The following EYA2 variants were observed in gnomAD, a reference collection of about 807,000 sequenced individuals.
The protein encoded by EYA2 is EYA transcriptional coactivator and phosphatase 2, also known as protein phosphatase EYA2.
EYA2 carries 31 observed loss-of-function variants against 69.2 expected under a neutral mutation model. That is an observed-to-expected ratio of 0.45 (90% CI 0.34 to 0.60). The LOEUF is 0.60. EYA2 is among the 20% of genes least tolerant of loss of function. The pLI, the probability that EYA2 is intolerant of heterozygous loss-of-function variation, is 0.02. For synonymous variants in EYA2, 257 were observed against 279.4 expected (o/e 0.92, Z 0.80); for missense variants, 622 against 701.2 (o/e 0.89, Z 1.28).
intron 1 of EYA2, among the ~76,000 whole-genome samples, chr20:46,910,856 C>T (rs752245867): frequency 8.5e-5 from 13 of 152,208 alleles, no homozygotes; most frequent in Non-Finnish European, 1.6e-4. Flanking sequence ...ATTGCTGGCT[C>T]CCATCAAAAC....
chr20:47,020,437 T>C (rs1377155752), intron 5 of EYA2, among the ~76,000 whole-genome samples: 2 of 152,254 alleles, frequency 1.3e-5, no homozygotes, highest in African/African-American at 4.8e-5. Flanking sequence ...TCACAGCTCT[T>C]GTTCAGCCTT....
chr20:47,183,951 T>C (rs1191157072), intron 15 of EYA2, among the ~76,000 whole-genome samples: 1 of 152,156 alleles, frequency 6.6e-6, no homozygotes, highest in African/African-American at 2.4e-5. Flanking sequence ...GGATTGTTAA[T>C]GTCACAGACC....
At chr20:47,186,540 G>C (rs2034646767) in intron 15 of EYA2, among the ~76,000 whole-genome samples, 1 of 151,666 alleles carries the variant, frequency 6.6e-6, no homozygotes, top group South Asian at 2.1e-4. Flanking sequence ...TTGTATTTTA[G>C]TAGAGATGGG....
chr20:46,973,540 A>G (rs182271668), intron 1 of EYA2, among the ~76,000 whole-genome samples: 37 of 152,342 alleles, frequency 2.4e-4, no homozygotes, highest in African/African-American at 8.4e-4. Context: ...GAAAATCTCC[A>G]TAGTTTTAAA....
At position 46,965,700 on chromosome 20, in the gene EYA2, T is replaced by G. The variant is rs560149673; in HGVS notation, c.-10-24301T>G. On this transcript the variant is annotated intron_variant, in intron 1 of 15. Transcript: ENST00000327619. ...TTCAGCCTCCTAGACGCTCTGAGTCTTGGCCTCCTGACTCCTCTGGGGTTG... is the reference window on the plus strand; with the variant it reads ...TTCAGCCTCCTAGACGCTCTGAGTCGTGGCCTCCTGACTCCTCTGGGGTTG... Among the ~76,000 whole-genome samples, 5 of 152,390 alleles carry G rather than the reference T, an allele frequency of 3.3e-5. No individual in the cohort carries two copies. The South Asian group carries it at 1.0e-3, about 32-fold the overall frequency.
chr20:47,151,293 A>C (rs534186326), intron 10 of EYA2, among the ~76,000 whole-genome samples: 2 of 151,312 alleles, frequency 1.3e-5, no homozygotes, highest in African/African-American at 4.8e-5. Flanking sequence ...ATCGCTTGAA[A>C]CCAGGAGGCA....
intron 9 of EYA2, among the ~76,000 whole-genome samples, chr20:47,122,925 G>T (rs2033090031): frequency 6.6e-6 from 1 of 152,068 alleles, no homozygotes. Context: ...ACCACCCCTG[G>T]TCTCAAGAGC....
At chr20:47,099,023 A>G (rs1384099941) in intron 9 of EYA2, among the ~76,000 whole-genome samples, 1 of 152,204 alleles carries the variant, frequency 6.6e-6, no homozygotes, top group East Asian at 1.9e-4. Flanking sequence ...TCTGGGAGGT[A>G]ATCCCAGGAA....
intron 3 of EYA2, among the ~76,000 whole-genome samples, chr20:47,001,703 G>A (rs955925398): frequency 1.3e-5 from 2 of 152,024 alleles, no homozygotes; most frequent in Non-Finnish European, 2.9e-5. Flanking sequence ...ACCAGCAAAA[G>A]CAGGTAAAAC....
chr20:46,996,208 C>T (rs150039815), intron 2 of EYA2, among the ~76,000 whole-genome samples: 54 of 152,336 alleles, frequency 3.5e-4, no homozygotes, highest in Admixed American at 6.5e-4. Flanking sequence ...CATAAGTATG[C>T]ACTCAGTATG....
At chr20:46,946,753 G>A (rs1370584098) in intron 1 of EYA2, among the ~76,000 whole-genome samples, 1 of 152,140 alleles carries the variant, frequency 6.6e-6, no homozygotes, top group Non-Finnish European at 1.5e-5. Flanking sequence ...TTGGCCCATG[G>A]GCCATAGTTT....
intron 11 of EYA2, 114 bp from the exon 12 acceptor site, chr20:47,172,593 G>A (rs2034343191): frequency 9.4e-7 from 1 of 1,061,356 alleles, no homozygotes; most frequent in South Asian, 1.7e-5. Context: ...CATTTCGAGG[G>A]GCTCATGGAC....
chr20:47,014,804 A>T (rs1321010949), intron 4 of EYA2, among the ~76,000 whole-genome samples: 4 of 152,092 alleles, frequency 2.6e-5, no homozygotes, highest in Non-Finnish European at 5.9e-5. Context: ...TTATGTGTGT[A>T]TTTGCTGCAG....
At chr20:47,100,739 C>T (rs2032400156) in intron 9 of EYA2, among the ~76,000 whole-genome samples, 1 of 152,240 alleles carries the variant, frequency 6.6e-6, no homozygotes, top group Non-Finnish European at 1.5e-5. Flanking sequence ...TCCATTCCCT[C>T]CTCCAGCTCT....
chr20:47,002,116 C>T (rs1429085639), intron 3 of EYA2, among the ~76,000 whole-genome samples: 2 of 151,542 alleles, frequency 1.3e-5, no homozygotes, highest in Non-Finnish European at 1.5e-5. Context: ...TTTTCTCTTT[C>T]CCTTCCTCTC....
At chr20:46,941,122 C>T (rs6094520) in intron 1 of EYA2, among the ~76,000 whole-genome samples, 19,376 of 152,196 alleles carry the variant, frequency 0.13, 1,512 homozygotes, top group East Asian at 0.4. Context: ...CTAGGGGACC[C>T]CCGTGCTGGA....
At position 47,011,911 on chromosome 20, in the gene EYA2, C is replaced by T. The variant is rs139566854; in HGVS notation, c.299-4270C>T. ...TAAGATAGCAGGGAAAAGTGTGTGC[C>T]GCTGAGTGTGCCAGGGAGTCAGGGA... On this transcript the variant is annotated intron_variant, in intron 4 of 15. Coordinates refer to ENST00000327619, the MANE Select transcript of EYA2 (RefSeq NM_005244.5). Among the ~76,000 whole-genome samples the T allele has an allele frequency of 3.2e-4, 48 of 152,262 alleles. No individual in the cohort carries two copies. The East Asian group carries it at 6.9e-3, about 22-fold the overall frequency.
intron 5 of EYA2, among the ~76,000 whole-genome samples, chr20:47,050,033 C>A (rs1187232382): frequency 1.3e-5 from 2 of 152,130 alleles, no homozygotes; most frequent in African/African-American, 4.8e-5. Flanking sequence ...GACGTTGCAC[C>A]CTCAGTGCAT....
rs142487930 is a variant in EYA2 at position 47,118,328 on chromosome 20, T to C, written c.888+21160T>C. On this transcript the variant is annotated intron_variant, in intron 9 of 15. Transcript: ENST00000327619. ...GACTTTGATTGGGCTTCTCCAGCAG[T>C]GATTATTTTCTTTGCAGCACGGCTG... is the stretch of plus-strand genomic sequence containing the variant. Among the ~76,000 whole-genome samples, 968 of 152,262 alleles carry C rather than the reference T, an allele frequency of 6.4e-3. 25 individuals carry two copies. The highest frequency in any genetic ancestry group is 0.052 in the Admixed American group (800 of 15,292).
Sources: gnomAD v4.1 joint callset for allele counts (sites outside exome capture counted in the v4.1 genomes callset) on GRCh38, gnomAD v4.1.1 for gene constraint, MANE v1.5 for transcripts, NCBI Gene and HGNC (gene_info 2026-07-23, HGNC 2026-07-21) for gene names.